ARID1B: variants seen among roughly 807,000 people sequenced by gnomAD.
The protein encoded by ARID1B is AT-rich interaction domain 1B.
A neutral mutation model predicts 212.3 loss-of-function variants in ARID1B; 30 were observed. That is an observed-to-expected ratio of 0.14 (90% CI 0.11 to 0.19). The LOEUF (loss-of-function observed/expected upper bound fraction) is 0.19, where lower values mean the gene tolerates loss of function less well. Among genes scored for constraint, ARID1B ranks in the 10% least tolerant of loss-of-function variants. The pLI is 1.00. For synonymous variants in ARID1B, 1,402 were observed against 1,301.7 expected, an observed-to-expected ratio of 1.08 and a Z score of -1.66; for missense variants, 2,891 against 3,204.0, an observed-to-expected ratio of 0.90 and a Z score of 2.36.
At chr6:156,934,919 T>TG (rs1259233893) in intron 3 of ARID1B, among the ~76,000 whole-genome samples, 3 of 23,544 alleles carry the variant, frequency 1.3e-4, no homozygotes, top group Admixed American at 3.3e-4. Flanking sequence ...TAATTATATA[T>TG]ATATATATAT....
At chr6:156,884,021 C>G (rs1055331194) in intron 2 of ARID1B, among the ~76,000 whole-genome samples, 2 of 152,140 alleles carry the variant, frequency 1.3e-5, no homozygotes, top group African/African-American at 4.8e-5. Context: ...AAAAAAATAT[C>G]GTGCCCTAAT....
intron 2 of ARID1B, among the ~76,000 whole-genome samples, chr6:156,883,002 G>C (rs1787221391): frequency 6.6e-6 from 1 of 152,204 alleles, no homozygotes; most frequent in Non-Finnish European, 1.5e-5. Context: ...AGAGTTCGCT[G>C]TCTTAATTTC....
At chr6:156,854,685 C>G (rs73790927) in intron 2 of ARID1B, among the ~76,000 whole-genome samples, 1 of 152,190 alleles carries the variant, frequency 6.6e-6, no homozygotes, top group Non-Finnish European at 1.5e-5. Context: ...TCCTGCCACG[C>G]GGAATTGTGT....
At chr6:157,021,061 G>A (rs1780209402) in intron 4 of ARID1B, among the ~76,000 whole-genome samples, 1 of 146,674 alleles carries the variant, frequency 6.8e-6, no homozygotes, top group Non-Finnish European at 1.5e-5. Flanking sequence ...CCTGCGCGGC[G>A]GCGGCGTCCT....
At chr6:157,091,060 G>A (rs924458042) in intron 5 of ARID1B, among the ~76,000 whole-genome samples, 7 of 152,178 alleles carry the variant, frequency 4.6e-5, no homozygotes, top group African/African-American at 1.4e-4. Context: ...TTCAGTCTCT[G>A]TCCTTTGAAA....
Position 157,184,629 on chromosome 6 carries a change from A to T in ARID1B, c.3919+194A>T. 4.5e-6 allele frequency: 3 copies of T among 661,146 alleles called. No homozygotes were observed. In the East Asian group the frequency reaches 8.3e-5, roughly 18 times the overall value. The allele number at this position is 661,146 out of a possible 1,614,324, so 41.0% of individuals were successfully genotyped here. A position where few individuals can be genotyped will look rare whatever the true frequency, so the allele number is the denominator to read the frequency against. On this transcript the variant is annotated intron_variant, in intron 13 of 19. Coordinates refer to ENST00000636930, the MANE Select transcript of ARID1B (RefSeq NM_001374828.1). Reference sequence around the variant, plus strand: ...AAGGGATGAGAGAATTAAATCTGGGATATGGCCATTTCTGGTTGACACTTG... The same window carrying T: ...AAGGGATGAGAGAATTAAATCTGGGTTATGGCCATTTCTGGTTGACACTTG...
intron 4 of ARID1B, chr6:156,976,866 G>T: frequency 1.7e-6 from 1 of 579,358 alleles, no homozygotes; most frequent in Admixed American, 1.9e-5. Context: ...GAAAATTGTT[G>T]TGAACCTCAC....
intron 2 of ARID1B, among the ~76,000 whole-genome samples, chr6:156,889,193 ATGCTATTTTTTAAGCTATTT>A (rs1787742332): frequency 6.6e-6 from 1 of 152,222 alleles, no homozygotes; most frequent in Admixed American, 6.5e-5. Flanking sequence ...CACTGGAAAT[ATGCTATTTTTTAAGCTATTT>A]TAGAATAAGA....
At chr6:156,792,266 A>G (rs1780060247) in intron 1 of ARID1B, among the ~76,000 whole-genome samples, 1 of 152,188 alleles carries the variant, frequency 6.6e-6, no homozygotes, top group South Asian at 2.1e-4. Context: ...AGCTGATTTC[A>G]TGTTTCCCCA....
intron 4 of ARID1B, among the ~76,000 whole-genome samples, chr6:157,005,409 C>T (rs1424735779): frequency 6.6e-6 from 1 of 152,138 alleles, no homozygotes; most frequent in African/African-American, 2.4e-5. Context: ...CTGCCTCAGC[C>T]TCCCAAAGTG....
At chr6:156,822,204 G>C (rs947104347) in intron 1 of ARID1B, among the ~76,000 whole-genome samples, 1 of 152,132 alleles carries the variant, frequency 6.6e-6, no homozygotes, top group African/African-American at 2.4e-5. Context: ...TGGAAAATGT[G>C]ACAAATATTC....
chr6:157,144,283 C>G (rs992601159), intron 7 of ARID1B, among the ~76,000 whole-genome samples: 1 of 152,226 alleles, frequency 6.6e-6, no homozygotes, highest in Non-Finnish European at 1.5e-5. Flanking sequence ...CCTTCTTTCT[C>G]TAATAAAACC....
intron 4 of ARID1B, among the ~76,000 whole-genome samples, chr6:157,026,965 A>G (rs550509839): frequency 1.3e-5 from 2 of 152,276 alleles, no homozygotes; most frequent in African/African-American, 4.8e-5. Context: ...CTTCCCATGT[A>G]ATGCATACAT....
intron 2 of ARID1B, among the ~76,000 whole-genome samples, chr6:156,898,449 C>T (rs964836351): frequency 6.6e-6 from 1 of 152,048 alleles, no homozygotes; most frequent in Admixed American, 6.5e-5. Flanking sequence ...CCAGAATGCC[C>T]TGATGGCCTG....
chr6:156,894,312 T>TGGGGA (rs1788214546), intron 2 of ARID1B, among the ~76,000 whole-genome samples: 1 of 75,732 alleles, frequency 1.3e-5, no homozygotes. Context: ...GGGCCGGGGG[T>TGGGGA]TGGGATGGGG....
At chr6:156,832,695 TAGAA>T (rs1013751027) in intron 2 of ARID1B, among the ~76,000 whole-genome samples, 1 of 152,310 alleles carries the variant, frequency 6.6e-6, no homozygotes, top group Non-Finnish European at 1.5e-5. Context: ...AGTATTTTGT[TAGAA>T]AGAACTGCAG....
At chr6:157,046,556 C>T (rs1035390867) in intron 4 of ARID1B, among the ~76,000 whole-genome samples, 12 of 152,182 alleles carry the variant, frequency 7.9e-5, no homozygotes, top group Non-Finnish European at 1.2e-4. Flanking sequence ...TTAATGCTAA[C>T]AGGCCTCCTG....
At chr6:156,822,399 C>T (rs539477016) in intron 1 of ARID1B, among the ~76,000 whole-genome samples, 1 of 152,320 alleles carries the variant, frequency 6.6e-6, no homozygotes, top group South Asian at 2.1e-4. Flanking sequence ...ACACACCAGA[C>T]CAGAGATGGG....
In ARID1B at chr6:156,959,925, C is replaced by CT. The variant is rs138881152; in HGVS notation, c.2247+24369dup. On this transcript the variant is annotated intron_variant, in intron 4 of 19. Coordinates refer to ENST00000636930, the MANE Select transcript of ARID1B (RefSeq NM_001374828.1). ...AGTATTGTCTGAAGATTGTCAGCTTCTTTTTTTTTTTTTTTTTTTTCTCGA... is the reference window on the plus strand; with the variant it reads ...AGTATTGTCTGAAGATTGTCAGCTTCTTTTTTTTTTTTTTTTTTTTTCTCGA... Among the ~76,000 whole-genome samples, 725 of 122,592 alleles carry CT rather than the reference C, an allele frequency of 5.9e-3. 10 individuals are homozygous for CT. Among genetic ancestry groups the CT allele is most frequent in the South Asian group, 0.023 (78 of 3,428 alleles). 80.4% of individuals were successfully genotyped at this position (122,592 alleles called of 152,430 possible).
Sources: gnomAD v4.1 joint callset for allele counts (sites outside exome capture counted in the v4.1 genomes callset) on GRCh38, gnomAD v4.1.1 for gene constraint, MANE v1.5 for transcripts, NCBI Gene and HGNC (gene_info 2026-07-23, HGNC 2026-07-21) for gene names.